Variants in RCAN3 observed in about 807,000 individuals in gnomAD.
RCAN3 encodes regulator of calcineurin 3.
In RCAN3, 19 loss-of-function variants were observed where a neutral mutation model predicts 21.9. That is an observed-to-expected ratio of 0.87 (90% confidence interval 0.61 to 1.27). RCAN3 has a LOEUF of 1.27. Among genes scored for constraint, RCAN3 ranks in the 50% most tolerant of loss-of-function variants. The pLI is 0.00. For synonymous variants in RCAN3, 114 were observed against 112.3 expected (o/e 1.01, Z -0.09); for missense variants, 240 against 300.1 (o/e 0.80, Z 1.48).
At chr1:24,531,501 C>T in intron 3 of RCAN3, 110 bp downstream of exon 3, 1 of 642,582 alleles carries the variant, frequency 1.6e-6, no homozygotes, top group Non-Finnish European at 2.3e-6. Flanking sequence ...GTAGAGTGAA[C>T]CATCTCAATC....
chr1:24,515,237 T>C (rs760944844), intron 2 of RCAN3, among the ~76,000 whole-genome samples: 1 of 151,884 alleles, frequency 6.6e-6, no homozygotes, highest in African/African-American at 2.4e-5. Flanking sequence ...TACTTGGGAG[T>C]GCATTCACAA....
rs1414023650 is a variant in RCAN3 at position 24,540,023 on chromosome 1, A to G, written c.*4746A>G. The G allele has an allele frequency of 6.6e-6, 1 of 152,246 alleles. No homozygotes were observed. Among genetic ancestry groups the G allele is most frequent in the Non-Finnish European group, 1.5e-5 (1 of 68,038 alleles). The allele number at this position is 152,246 out of a possible 1,614,324, so 9.4% of individuals were successfully genotyped here. On this transcript the variant is annotated 3_prime_UTR_variant, in exon 5 of 5. Coordinates refer to ENST00000374395, the MANE Select transcript of RCAN3 (RefSeq NM_013441.4). ...TTAAAAGATTTATGAACCTTGTCCT[A>G]CAATTCGCTGAATACTTATTTGTCT...
intron 2 of RCAN3, among the ~76,000 whole-genome samples, chr1:24,514,946 G>A (rs1342613557): frequency 2.7e-5 from 4 of 146,016 alleles, no homozygotes; most frequent in Non-Finnish European, 4.5e-5. Context: ...TTAAGCCTGG[G>A]GGACAGAGTG....
rs35257073 is a variant in RCAN3, at chr1:24,529,550, C to CTTTTT, written c.196-1654_196-1650dup. ...TGGGTGACAGAGAGACTCTGTCTCTCTTTTTTTTTTTTTTTTTTAGGACAG... is the reference window on the plus strand; with the variant it reads ...TGGGTGACAGAGAGACTCTGTCTCTCTTTTTTTTTTTTTTTTTTTTTTTAGGACAG... On this transcript the variant is annotated intron_variant, in intron 2 of 4. Coordinates refer to ENST00000374395, the MANE Select transcript of RCAN3 (RefSeq NM_013441.4). Among the ~76,000 whole-genome samples the CTTTTT allele has an allele frequency of 4.5e-5, 4 of 89,540 alleles. 1 individual carries two copies. The highest frequency in any genetic ancestry group is 1.8e-4 in the African/African-American group (4 of 21,802). 58.7% of individuals were successfully genotyped at this position (89,540 alleles called of 152,430 possible). A position where few individuals can be genotyped will look rare whatever the true frequency, so the allele number is the denominator to read the frequency against.
At position 24,514,825 on chromosome 1, in the gene RCAN3, C is replaced by T. The variant is rs192521893; in HGVS notation, c.195+258C>T. Among the ~76,000 whole-genome samples, 236 of 151,974 alleles carry T rather than the reference C, an allele frequency of 1.6e-3. 1 individual carries two copies. Among genetic ancestry groups the T allele is most frequent in the African/African-American group, 5.2e-3 (216 of 41,396 alleles). On this transcript the variant is annotated intron_variant, in intron 2 of 4. Transcript: ENST00000374395. ...CTCTACTAAAAATGCAAAAACTAGC[C>T]GGGTGTGGTGGTGCGCGCCTGTAAT... is the stretch of plus-strand genomic sequence containing the variant.
chr1:24,516,093 A>G (rs1648294586), intron 2 of RCAN3, among the ~76,000 whole-genome samples: 1 of 152,036 alleles, frequency 6.6e-6, no homozygotes, highest in Non-Finnish European at 1.5e-5. Context: ...CAGTGAGCGG[A>G]GATTGCGCCA....
At chr1:24,534,475 CGGGCG>C (rs1557580967) in intron 4 of RCAN3, among the ~76,000 whole-genome samples, 1 of 152,086 alleles carries the variant, frequency 6.6e-6, no homozygotes, top group African/African-American at 2.4e-5. Context: ...GGCGTGATAG[CGGGCG>C]CCTGTAGTCC....
At chr1:24,533,624 A>AC (rs1160834217) in intron 4 of RCAN3, among the ~76,000 whole-genome samples, 1 of 151,946 alleles carries the variant, frequency 6.6e-6, no homozygotes, top group African/African-American at 2.4e-5. Flanking sequence ...ACATGGGGAA[A>AC]CCCCGTCTCT....
Position 24,532,442 on chromosome 1 carries a change from A to G in RCAN3, c.370-641A>G, listed in dbSNP as rs1432795371. Among the ~76,000 whole-genome samples the G allele has an allele frequency of 3.3e-5, 5 of 151,526 alleles. No individual in the cohort carries two copies. The East Asian group carries it at 9.7e-4, about 30-fold the overall frequency. ...GAGTTTCACCATGTTGGCCAGGCTG[A>G]TCTCAAACTCCTGACCTCAGGTGAC... On this transcript the variant is annotated intron_variant, in intron 3 of 4. Transcript: ENST00000374395.
chr1:24,535,213 C>G lies in RCAN3; in HGVS notation c.662C>G (p.Thr221Arg). The G allele has an allele frequency of 6.3e-7, 1 of 1,590,926 alleles. No homozygotes were observed. Among genetic ancestry groups the G allele is most frequent in the Non-Finnish European group, 8.5e-7 (1 of 1,171,794 alleles). The stretch of plus-strand genomic sequence containing the variant: ...AACCCCAAACAGAAAATTGCCCAGA[C>G]GAGGCGCCCCGACCCTCCGACCGCA... ...TKNPKQKIAQTRRPDPPTAAL... is the reference protein window; with the variant it reads ...TKNPKQKIAQRRRPDPPTAAL... Residue 221 changes from threonine to arginine, a missense_variant, in exon 5 of 5, where the codon ACG becomes AGG. Physicochemically the swap from Thr to Arg is moderately conservative, Grantham distance 71 (BLOSUM62 -1). Coordinates refer to ENST00000374395, the MANE Select transcript of RCAN3 (RefSeq NM_013441.4).
At position 24,514,455 on chromosome 1, in the gene RCAN3, T is replaced by C. The variant is rs755117378; in HGVS notation, c.83T>C (p.Ile28Thr). Residue 28 changes from isoleucine (I) to threonine (T), a missense_variant, in exon 2 of 5, where the codon ATT becomes ACT. Physicochemically the swap from Ile to Thr is moderately conservative, Grantham distance 89. Coordinates refer to ENST00000374395, the MANE Select transcript of RCAN3 (RefSeq NM_013441.4). ...STDQEEEEEM[I>T]FGENEDDLDE... is the part of the protein sequence containing the mutation. ...GACCAAGAAGAGGAAGAAGAGATGA[T>C]TTTTGGTGAAAATGAAGATGATTTG... is the stretch of plus-strand genomic sequence containing the variant. The C allele has an allele frequency of 6.2e-7, 1 of 1,614,158 alleles. No homozygotes were observed. Among genetic ancestry groups the C allele is most frequent in the South Asian group, 1.1e-5 (1 of 91,090 alleles).
intron 1 of RCAN3, among the ~76,000 whole-genome samples, chr1:24,507,970 C>T (rs943879943): frequency 5.9e-5 from 9 of 152,072 alleles, no homozygotes; most frequent in East Asian, 1.9e-4. Flanking sequence ...CCCAGCTACT[C>T]GGGAGGCTGA....
chr1:24,515,757 G>C (rs1459241215), intron 2 of RCAN3, among the ~76,000 whole-genome samples: 1 of 152,126 alleles, frequency 6.6e-6, no homozygotes, highest in Non-Finnish European at 1.5e-5. Flanking sequence ...TGCAGCTTCT[G>C]CCTCATGGTG....
At position 24,538,916 on chromosome 1, in the gene RCAN3, T is replaced by C. The variant is rs1650372633; in HGVS notation, c.*3639T>C. On this transcript the variant is annotated 3_prime_UTR_variant, in exon 5 of 5. Coordinates refer to ENST00000374395, the MANE Select transcript of RCAN3 (RefSeq NM_013441.4). ...GAGTTCAAGACCAGCCTGGGCAACA[T>C]AGCAAGTCCCTGGCTCAAAAAAAAA... The C allele has an allele frequency of 6.6e-6, 1 of 151,622 alleles. No homozygotes were observed. Among genetic ancestry groups the C allele is most frequent in the Non-Finnish European group, 1.5e-5 (1 of 67,948 alleles). 9.4% of individuals were successfully genotyped at this position (151,622 alleles called of 1,614,324 possible).
At chr1:24,514,248 A>C (rs948288023) in intron 1 of RCAN3, 66 bp from the exon 2 acceptor site, 4 of 733,356 alleles carry the variant, frequency 5.5e-6, no homozygotes, top group Non-Finnish European at 8.4e-6. Context: ...GCCTGGAGAC[A>C]TTGATTGATT....
intron 4 of RCAN3, among the ~76,000 whole-genome samples, chr1:24,534,661 G>A (rs551149998): frequency 9.2e-5 from 14 of 151,362 alleles, no homozygotes; most frequent in South Asian, 8.4e-4. Context: ...TTAGCTGGGC[G>A]TGGTGGCACA....
At position 24,535,303 on chromosome 1, in the gene RCAN3, C is replaced by G. The variant is rs775172343; in HGVS notation, c.*26C>G. The G allele has an allele frequency of 1.6e-5, 24 of 1,511,410 alleles. No homozygotes were observed. In the South Asian group the frequency reaches 3.2e-4, roughly 20 times the overall value. 93.6% of individuals were successfully genotyped at this position (1,511,410 alleles called of 1,614,324 possible). On this transcript the variant is annotated 3_prime_UTR_variant, in exon 5 of 5. Coordinates refer to ENST00000374395, the MANE Select transcript of RCAN3 (RefSeq NM_013441.4). ...GGCCCTTGGTTGTGGTGCGAGGCGG[C>G]TGCCCTGGTGGGCTCTGGCCATGGC...
chr1:24,535,382 C>A lies in RCAN3; in HGVS notation c.*105C>A, dbSNP rs977967866. 8.5e-6 allele frequency: 11 copies of A among 1,288,294 alleles called. No individual in the cohort carries two copies. The African/African-American group carries it at 1.1e-4, about 13-fold the overall frequency. The allele number at this position is 1,288,294 out of a possible 1,614,324, so 79.8% of individuals were successfully genotyped here. A position where few individuals can be genotyped will look rare whatever the true frequency, so the allele number is the denominator to read the frequency against. ...GCGAACAGCATAGGTGAGACTCTGC[C>A]GAGTGAGGTATAGGTCTTCTCACCA... On this transcript the variant is annotated 3_prime_UTR_variant, in exon 5 of 5. Transcript: ENST00000374395.
At chr1:24,530,148 G>A (rs1303082832) in intron 2 of RCAN3, among the ~76,000 whole-genome samples, 3 of 151,794 alleles carry the variant, frequency 2.0e-5, no homozygotes, top group African/African-American at 7.3e-5. Context: ...AGCCCAAGGA[G>A]TTTGAGACCA....
Sources: allele counts gnomAD v4.1 joint callset (sites outside exome capture counted in the v4.1 genomes callset), GRCh38; gene constraint gnomAD v4.1.1; transcripts MANE v1.5; gene names NCBI Gene and HGNC (gene_info 2026-07-23, HGNC 2026-07-21).